METTL8: variants seen among roughly 807,000 people sequenced by gnomAD.
The protein encoded by METTL8 is methyltransferase 8, tRNA N3-cytidine, also known as tRNA N(3)-cytidine methyltransferase METTL8, mitochondrial.
METTL8 carries 32 observed loss-of-function variants against 48.7 expected under a neutral mutation model. The observed-to-expected ratio is 0.66, with a 90% CI of 0.50 to 0.88. The LOEUF is 0.88. METTL8 is among the 40% of genes least tolerant of loss of function. The probability of loss-of-function intolerance (pLI) is 0.00; values close to 1 mark genes in which losing one functional copy is unlikely to be tolerated. For missense variants in METTL8, 464 were observed against 474.4 expected (o/e 0.98, Z 0.20); for synonymous variants, 136 against 157.1 (o/e 0.87, Z 1.01).
intron 1 of METTL8, among the ~76,000 whole-genome samples, chr2:171,396,597 T>A (rs1221471237): frequency 2.0e-5 from 3 of 152,100 alleles, no homozygotes; most frequent in Non-Finnish European, 4.4e-5. Context: ...TGTATCCAAA[T>A]TCAAAATAAT....
At chr2:171,390,926 G>T (rs1688525083) in intron 2 of METTL8, among the ~76,000 whole-genome samples, 2 of 152,328 alleles carry the variant, frequency 1.3e-5, no homozygotes, top group East Asian at 3.9e-4. Flanking sequence ...ACACTTAGTT[G>T]ATAAAACAGT....
At chr2:171,326,474 A>G (rs1684971560) in intron 7 of METTL8, 1 of 226,808 alleles carries the variant, frequency 4.4e-6, no homozygotes, top group African/African-American at 2.3e-5. Context: ...AAATTAAGGT[A>G]GTTCTGAGAT....
chr2:171,401,330 CCAGA>C (rs1689617868), intron 1 of METTL8, among the ~76,000 whole-genome samples: 1 of 152,228 alleles, frequency 6.6e-6, no homozygotes, highest in Middle Eastern at 3.4e-3. Context: ...TGACCATCTG[CCAGA>C]CAAACAGCTT....
chr2:171,402,352 G>A (rs1379636708), intron 1 of METTL8, among the ~76,000 whole-genome samples: 2 of 152,174 alleles, frequency 1.3e-5, no homozygotes, highest in Non-Finnish European at 2.9e-5. Flanking sequence ...CTGTACTCTA[G>A]TTGATAAAGG....
intron 1 of METTL8, among the ~76,000 whole-genome samples, chr2:171,398,801 T>C (rs1193896313): frequency 2.0e-5 from 3 of 152,176 alleles, no homozygotes; most frequent in Non-Finnish European, 2.9e-5. Flanking sequence ...TTAAAACATC[T>C]TCTTGTGTAC....
chr2:171,393,407 C>CAAAAAAAAAA (rs10629650), intron 1 of METTL8, among the ~76,000 whole-genome samples: 5 of 104,182 alleles, frequency 4.8e-5, no homozygotes, highest in Non-Finnish European at 7.1e-5. Flanking sequence ...TATAAAAAAG[C>CAAAAAAAAAA]AAAAAAAAAA....
chr2:171,347,276 C>T (rs1010904526), intron 3 of METTL8, among the ~76,000 whole-genome samples: 4 of 152,198 alleles, frequency 2.6e-5, no homozygotes, highest in African/African-American at 9.7e-5. Flanking sequence ...CCCTCTCCTG[C>T]CTGCCTTTCC....
At chr2:171,354,912 C>G (rs1559097504) in intron 3 of METTL8, among the ~76,000 whole-genome samples, 1 of 152,276 alleles carries the variant, frequency 6.6e-6, no homozygotes, top group East Asian at 1.9e-4. Flanking sequence ...CGAACATCCT[C>G]CTTTAGCTCA....
At chr2:171,416,527 ATTAC>A (rs751131992) in intron 1 of METTL8, among the ~76,000 whole-genome samples, 3 of 152,248 alleles carry the variant, frequency 2.0e-5, no homozygotes, top group Non-Finnish European at 2.9e-5. Flanking sequence ...ATTTCACCTT[ATTAC>A]TTAATAATTA....
chr2:171,420,710 T>G (rs1691783270), intron 1 of METTL8, among the ~76,000 whole-genome samples: 1 of 152,180 alleles, frequency 6.6e-6, no homozygotes, highest in Non-Finnish European at 1.5e-5. Flanking sequence ...CAAAAATTGA[T>G]CTAAATAAAC....
chr2:171,424,486 G>A lies in METTL8; in HGVS notation c.-13+9397C>T, dbSNP rs142095669. Among the ~76,000 whole-genome samples, 1,205 of 152,356 alleles carry A rather than the reference G, an allele frequency of 7.9e-3. 14 individuals carry two copies. Among genetic ancestry groups the A allele is most frequent in the African/African-American group, 0.028 (1,146 of 41,572 alleles). On this transcript the variant is annotated intron_variant, in intron 1 of 9. Coordinates refer to ENST00000375258, the MANE Select transcript of METTL8 (RefSeq NM_001321154.2). ...AGCCACAGGTGTGGAGCTGCCCAAG[G>A]CCATAGGAGCCCACCTCTTGTATCA... is the stretch of plus-strand genomic sequence containing the variant.
At position 171,362,644 on chromosome 2, in the gene METTL8, A is replaced by G. The variant is rs561679217; in HGVS notation, c.144-2131T>C. Reference sequence around the variant, plus strand: ...CAGTCTCCAGGAAAACTGAATGAGAATGTTTTCAGAGTTTCATAGATAAAA... The same window carrying G: ...CAGTCTCCAGGAAAACTGAATGAGAGTGTTTTCAGAGTTTCATAGATAAAA... On this transcript the variant is annotated intron_variant, in intron 2 of 9. Coordinates refer to ENST00000375258, the MANE Select transcript of METTL8 (RefSeq NM_001321154.2). 5.7e-4 allele frequency among the ~76,000 whole-genome samples: 86 copies of G among 152,138 alleles called. 2 individuals carry two copies. Among genetic ancestry groups the G allele is most frequent in the Non-Finnish European group, 2.4e-4 (16 of 67,962 alleles).
chr2:171,423,289 G>C (rs1692061891), intron 1 of METTL8, among the ~76,000 whole-genome samples: 1 of 152,142 alleles, frequency 6.6e-6, no homozygotes, highest in South Asian at 2.1e-4. Flanking sequence ...GACTAATATA[G>C]TAAATTGGTA....
At chr2:171,396,447 T>C (rs574657061) in intron 1 of METTL8, among the ~76,000 whole-genome samples, 5 of 152,290 alleles carry the variant, frequency 3.3e-5, no homozygotes, top group Middle Eastern at 3.4e-3. Context: ...TTGTCTGATA[T>C]TAATACAGCC....
intron 5 of METTL8, among the ~76,000 whole-genome samples, chr2:171,334,324 A>G (rs1315640049): frequency 6.6e-6 from 1 of 152,192 alleles, no homozygotes; most frequent in Non-Finnish European, 1.5e-5. Context: ...CTGTATCAGC[A>G]GCCCAAGGTG....
chr2:171,399,805 GA>G (rs1325915895), intron 1 of METTL8, among the ~76,000 whole-genome samples: 1 of 151,996 alleles, frequency 6.6e-6, no homozygotes, highest in Non-Finnish European at 1.5e-5. Flanking sequence ...TTAATAAAAG[GA>G]AAGACTCCAT....
Position 171,392,144 on chromosome 2 carries a change from T to C in METTL8, c.42A>G (p.Leu14=), listed in dbSNP as rs1186666975. ...IWRNSISCLR[L]GKVPHRYQSG... is the part of the protein sequence containing the mutation. Reference sequence around the variant, plus strand: ...TTTGGTATCTGTGTGGCACCTTTCCTAGCCTTAGACAAGAAATGGAATTTC... The same window carrying C: ...TTTGGTATCTGTGTGGCACCTTTCCCAGCCTTAGACAAGAAATGGAATTTC... Residue 14 remains leucine, a synonymous_variant, in exon 2 of 10, where the codon CTA becomes CTG. Coordinates refer to ENST00000375258, the MANE Select transcript of METTL8 (RefSeq NM_001321154.2). 6.4e-7 allele frequency: 1 copy of C among 1,551,678 alleles called. No homozygotes were observed. Among genetic ancestry groups the C allele is most frequent in the Non-Finnish European group, 8.7e-7 (1 of 1,146,956 alleles).
In METTL8 at chr2:171,320,357, G is replaced by T. The variant is rs893108018; in HGVS notation, c.*3815C>A. On this transcript the variant is annotated 3_prime_UTR_variant, in exon 10 of 10. Coordinates refer to ENST00000375258, the MANE Select transcript of METTL8 (RefSeq NM_001321154.2). ...CAAATTTGGTTGATGTATTTTTGAA[G>T]CTTCTAAAGGTTAACTCACATGCTG... 6.6e-6 allele frequency: 1 copy of T among 152,198 alleles called. No homozygotes were observed. Among genetic ancestry groups the T allele is most frequent in the Non-Finnish European group, 1.5e-5 (1 of 68,042 alleles). 9.4% of individuals were successfully genotyped at this position (152,198 alleles called of 1,614,324 possible). A position where few individuals can be genotyped will look rare whatever the true frequency, so the allele number is the denominator to read the frequency against.
chr2:171,375,914 A>G (rs557443732), intron 2 of METTL8, among the ~76,000 whole-genome samples: 1 of 152,256 alleles, frequency 6.6e-6, no homozygotes, highest in South Asian at 2.1e-4. Flanking sequence ...TTTTGCAGGT[A>G]AATTCTCCCT....
Sources: gnomAD v4.1 joint callset for allele counts (sites outside exome capture counted in the v4.1 genomes callset) on GRCh38, gnomAD v4.1.1 for gene constraint, MANE v1.5 for transcripts, NCBI Gene and HGNC (gene_info 2026-07-23, HGNC 2026-07-21) for gene names.